Variants in SV2C observed in about 807,000 individuals in gnomAD.
The protein encoded by SV2C is solute carrier family 22 member B3.
Under a neutral mutation model 79.7 loss-of-function variants are expected in SV2C, and 49 were observed. The observed-to-expected ratio is 0.61, with a 90% CI of 0.49 to 0.78. The LOEUF is 0.78. SV2C is among the 30% of genes least tolerant of loss of function. SV2C has a pLI of 0.00. For missense variants in SV2C, 833 were observed against 912.9 expected (o/e 0.91, Z 1.13); for synonymous variants, 334 against 333.2 (o/e 1.00, Z -0.03).
At chr5:76,058,780 A>T in the SV2C span, among the ~76,000 whole-genome samples, 1 of 152,132 alleles carries the variant, frequency 6.6e-6, no homozygotes, top group African/African-American at 2.4e-5. Context: ...ATAAATAAGA[A>T]TAGTTCATGA....
the SV2C span, among the ~76,000 whole-genome samples, chr5:76,045,977 T>G: frequency 6.6e-6 from 1 of 152,166 alleles, no homozygotes; most frequent in Non-Finnish European, 1.5e-5. Flanking sequence ...ATGTTGCAGG[T>G]GCTAGGTATT....
chr5:75,979,867 TA>T, the SV2C span, among the ~76,000 whole-genome samples: 5 of 151,782 alleles, frequency 3.3e-5, no homozygotes, highest in Non-Finnish European at 5.9e-5. Flanking sequence ...AGACAAGAAA[TA>T]ACCAAAATCA....
chr5:75,950,022 G>A, the SV2C span, among the ~76,000 whole-genome samples: 84 of 152,128 alleles, frequency 5.5e-4, no homozygotes, highest in African/African-American at 2.0e-3. Context: ...AACTGAGATG[G>A]GGAGAACCAG....
At chr5:76,249,193 C>T (rs1020816991) in intron 4 of SV2C, among the ~76,000 whole-genome samples, 3 of 152,192 alleles carry the variant, frequency 2.0e-5, no homozygotes, top group Non-Finnish European at 4.4e-5. Flanking sequence ...CACAGAAGTT[C>T]TCCAAGAGCT....
At chr5:75,980,203 C>T in the SV2C span, among the ~76,000 whole-genome samples, 1 of 152,186 alleles carries the variant, frequency 6.6e-6, no homozygotes, top group East Asian at 1.9e-4. Context: ...GTAAAGAGCT[C>T]TATAATTGAG....
At chr5:76,224,180 T>A (rs1185686225) in intron 4 of SV2C, among the ~76,000 whole-genome samples, 1 of 152,098 alleles carries the variant, frequency 6.6e-6, no homozygotes, top group Non-Finnish European at 1.5e-5. Context: ...GGCACTGGGA[T>A]TTTTTGGGGG....
intron 4 of SV2C, among the ~76,000 whole-genome samples, chr5:76,259,142 T>G (rs1421470366): frequency 6.6e-6 from 1 of 152,218 alleles, no homozygotes; most frequent in Non-Finnish European, 1.5e-5. Flanking sequence ...CTCTGAAAAT[T>G]CTCATACCTG....
the SV2C span, among the ~76,000 whole-genome samples, chr5:75,850,270 A>G: frequency 1.3e-5 from 2 of 152,340 alleles, no homozygotes; most frequent in East Asian, 3.9e-4. Context: ...TTACTAAATC[A>G]CAGGTGCCCT....
At chr5:76,288,622 G>A (rs766991250) in intron 6 of SV2C, among the ~76,000 whole-genome samples, 1 of 152,108 alleles carries the variant, frequency 6.6e-6, no homozygotes, top group Non-Finnish European at 1.5e-5. Flanking sequence ...GGGCCTCATT[G>A]CCCTACTTAC....
At chr5:76,047,932 G>A in the SV2C span, among the ~76,000 whole-genome samples, 2 of 151,274 alleles carry the variant, frequency 1.3e-5, no homozygotes, top group Admixed American at 6.6e-5. Flanking sequence ...CACCACTCCC[G>A]GCTAATTTTT....
chr5:75,886,220 A>G, the SV2C span, among the ~76,000 whole-genome samples: 4 of 152,190 alleles, frequency 2.6e-5, no homozygotes, highest in African/African-American at 9.6e-5. Flanking sequence ...CAGATAAGAC[A>G]GCCTCTAATT....
intron 12 of SV2C, among the ~76,000 whole-genome samples, chr5:76,306,543 A>C (rs1184827705): frequency 6.6e-6 from 1 of 152,226 alleles, no homozygotes; most frequent in Admixed American, 6.5e-5. Flanking sequence ...GCAAATCAAA[A>C]ACAAATCTAC....
At chr5:75,939,531 T>C in the SV2C span, among the ~76,000 whole-genome samples, 1 of 152,116 alleles carries the variant, frequency 6.6e-6, no homozygotes, top group Non-Finnish European at 1.5e-5. Context: ...ATGAATTTTT[T>C]TGCGGGGTAG....
intron 2 of SV2C, among the ~76,000 whole-genome samples, chr5:76,176,123 C>T (rs533400020): frequency 7.9e-5 from 12 of 152,178 alleles, no homozygotes; most frequent in African/African-American, 2.7e-4. Flanking sequence ...CCCCCCACCC[C>T]AACACACACA....
At chr5:76,186,644 G>A (rs960081557) in intron 2 of SV2C, among the ~76,000 whole-genome samples, 6 of 151,922 alleles carry the variant, frequency 3.9e-5, no homozygotes, top group Non-Finnish European at 8.8e-5. Flanking sequence ...GTGAGCCAAG[G>A]TTACACCACT....
chr5:76,167,292 T>C (rs1743074741), intron 2 of SV2C, among the ~76,000 whole-genome samples: 1 of 152,258 alleles, frequency 6.6e-6, no homozygotes, highest in Non-Finnish European at 1.5e-5. Flanking sequence ...GCTTTAGTTT[T>C]CTCATCTGTA....
the SV2C span, among the ~76,000 whole-genome samples, chr5:75,959,239 G>C: frequency 6.6e-6 from 1 of 152,056 alleles, no homozygotes. Flanking sequence ...ATTTTCTGGA[G>C]TTTAGCGGGG....
At chr5:76,032,704 A>G in the SV2C span, among the ~76,000 whole-genome samples, 1 of 152,186 alleles carries the variant, frequency 6.6e-6, no homozygotes, top group East Asian at 1.9e-4. Context: ...GCCGCAATAA[A>G]CATATGTGTG....
chr5:76,201,692 A>T (rs1004161249), intron 3 of SV2C, among the ~76,000 whole-genome samples: 3 of 152,174 alleles, frequency 2.0e-5, no homozygotes, highest in Non-Finnish European at 4.4e-5. Flanking sequence ...ATAATTTGTC[A>T]TGTAAAAATT....
Sources: gnomAD v4.1 joint callset for allele counts (sites outside exome capture counted in the v4.1 genomes callset) on GRCh38, gnomAD v4.1.1 for gene constraint, MANE v1.5 for transcripts, NCBI Gene and HGNC (gene_info 2026-07-23, HGNC 2026-07-21) for gene names.